The following ANOS1 variants were observed in gnomAD, a reference collection of about 807,000 sequenced individuals.
ANOS1 encodes anosmin 1, also known as anosmin-1.
Under a neutral mutation model 59.0 loss-of-function variants are expected in ANOS1, and 6 were observed. That is an observed-to-expected ratio of 0.10 (90% CI 0.06 to 0.20). The LOEUF (loss-of-function observed/expected upper bound fraction) is 0.20. Ranked by LOEUF, ANOS1 falls within the 10% of genes least tolerant of loss-of-function variation. ANOS1 has a pLI of 1.00. For missense variants in ANOS1, 433 were observed against 542.3 expected (o/e 0.80, Z 2.00); for synonymous variants, 217 against 223.4 (o/e 0.97, Z 0.25).
chrX:8,686,077 C>T lies in ANOS1; in HGVS notation c.255+13621G>A, dbSNP rs764631361. Among the ~76,000 whole-genome samples, 477 of 111,963 alleles carry T rather than the reference C, an allele frequency of 4.3e-3. 2 individuals are homozygous for T. Among genetic ancestry groups the T allele is most frequent in the African/African-American group, 0.015 (455 of 30,824 alleles). Reference sequence around the variant, plus strand: ...TTAAATTTTTCTTGCTCAGTTACAGCCATTACCTAATTTACAAGAGGCTCC... The same window carrying T: ...TTAAATTTTTCTTGCTCAGTTACAGTCATTACCTAATTTACAAGAGGCTCC... On this transcript the variant is annotated intron_variant, in intron 2 of 13. Coordinates refer to ENST00000262648, the MANE Select transcript of ANOS1 (RefSeq NM_000216.4).
chrX:8,680,917 T>C (rs1341940256), intron 2 of ANOS1, among the ~76,000 whole-genome samples: 4 of 111,829 alleles, frequency 3.6e-5, no homozygotes, highest in Non-Finnish European at 7.5e-5. Context: ...GACATAAATT[T>C]CCCCTTTGTA....
At chrX:8,707,005 C>T (rs1449865686) in intron 1 of ANOS1, among the ~76,000 whole-genome samples, 2 of 111,671 alleles carry the variant, frequency 1.8e-5, no homozygotes, top group African/African-American at 6.5e-5. Flanking sequence ...GACCCCCACG[C>T]CCTGACTTCC....
intron 8 of ANOS1, among the ~76,000 whole-genome samples, chrX:8,560,314 T>C (rs952666016): frequency 2.7e-5 from 3 of 111,255 alleles, no homozygotes; most frequent in Non-Finnish European, 5.7e-5. Context: ...GGGTGGTGAA[T>C]TTTGACACTA....
chrX:8,666,951 C>A (rs1209994331), intron 2 of ANOS1, among the ~76,000 whole-genome samples: 1 of 112,036 alleles, frequency 8.9e-6, no homozygotes, highest in Admixed American at 9.5e-5. Flanking sequence ...CACCAAGTAT[C>A]AGCAGTAGGA....
chrX:8,604,332 G>A (rs924261658), intron 3 of ANOS1, among the ~76,000 whole-genome samples: 3 of 111,515 alleles, frequency 2.7e-5, no homozygotes, highest in Non-Finnish European at 5.6e-5. Context: ...CCTGGAAACT[G>A]CACTTTGGAA....
At chrX:8,588,584 C>G (rs899699531) in intron 4 of ANOS1, among the ~76,000 whole-genome samples, 2 of 111,954 alleles carry the variant, frequency 1.8e-5, no homozygotes, top group Non-Finnish European at 3.8e-5. Flanking sequence ...CAAGCATTCC[C>G]CTATATATAG....
chrX:8,540,183 G>A (rs1391640039), intron 9 of ANOS1, among the ~76,000 whole-genome samples: 4 of 111,350 alleles, frequency 3.6e-5, no homozygotes. Flanking sequence ...ATCATCAGAA[G>A]TTTCTCAATC....
chrX:8,710,526 A>G (rs930447700), intron 1 of ANOS1, among the ~76,000 whole-genome samples: 6 of 112,169 alleles, frequency 5.3e-5, no homozygotes, highest in African/African-American at 1.6e-4. Context: ...ATACCATATC[A>G]TTACAACTCA....
In ANOS1 at chrX:8,550,343, A is replaced by C. The variant is rs1414855292; in HGVS notation, c.1354+3609T>G. On this transcript the variant is annotated intron_variant, in intron 9 of 13. Coordinates refer to ENST00000262648, the MANE Select transcript of ANOS1 (RefSeq NM_000216.4). Reference sequence around the variant, plus strand: ...TATTATAAAACATTGTTGAGACAAAAATTTTAAACCTGAATACAGTGGCAT... The same window carrying C: ...TATTATAAAACATTGTTGAGACAAACATTTTAAACCTGAATACAGTGGCAT... Among the ~76,000 whole-genome samples, 3 of 111,923 alleles carry C rather than the reference A, an allele frequency of 2.7e-5. No individual in the cohort carries two copies. The Admixed American group carries it at 2.9e-4, about 11-fold the overall frequency.
intron 9 of ANOS1, among the ~76,000 whole-genome samples, chrX:8,547,683 A>AG (rs201732360): frequency 0.042 from 4,652 of 112,006 alleles, 240 homozygotes; most frequent in African/African-American, 0.15. Flanking sequence ...GAAGACAAAA[A>AG]GTGAATGGAA....
At chrX:8,712,550 C>G (rs1932818574) in intron 1 of ANOS1, among the ~76,000 whole-genome samples, 1 of 112,150 alleles carries the variant, frequency 8.9e-6, no homozygotes, top group African/African-American at 3.2e-5. Flanking sequence ...TTAATATGTT[C>G]ACGTATTATT....
intron 9 of ANOS1, among the ~76,000 whole-genome samples, chrX:8,547,255 C>T (rs1306544122): frequency 9.0e-6 from 1 of 111,623 alleles, no homozygotes; most frequent in African/African-American, 3.3e-5. Flanking sequence ...ATATAAGCTT[C>T]TCCATCACTT....
At chrX:8,570,828 G>A (rs1477630813) in intron 6 of ANOS1, 124 bp from the exon 7 acceptor site, 15 of 646,069 alleles carry the variant, frequency 2.3e-5, no homozygotes, top group Non-Finnish European at 3.7e-5. Flanking sequence ...GAAAACGGGG[G>A]TGGAGGGGCA....
intron 2 of ANOS1, among the ~76,000 whole-genome samples, chrX:8,634,468 T>C (rs901791697): frequency 6.3e-5 from 7 of 111,911 alleles, no homozygotes; most frequent in Admixed American, 3.8e-4. Context: ...CTCTTGTTTT[T>C]GTAAATAAAG....
intron 3 of ANOS1, among the ~76,000 whole-genome samples, chrX:8,623,327 G>A (rs1448558223): frequency 9.0e-6 from 1 of 111,418 alleles, no homozygotes; most frequent in Non-Finnish European, 1.9e-5. Flanking sequence ...ATGTAAGGTG[G>A]GAGGGTGGTG....
chrX:8,700,787 T>C (rs1391509516), intron 1 of ANOS1, among the ~76,000 whole-genome samples: 2 of 111,683 alleles, frequency 1.8e-5, no homozygotes, highest in African/African-American at 6.5e-5. Context: ...GACGGGTGGA[T>C]CGCCTGAGGT....
intron 3 of ANOS1, among the ~76,000 whole-genome samples, chrX:8,612,475 G>C (rs1357575952): frequency 9.5e-6 from 1 of 104,827 alleles, no homozygotes; most frequent in Non-Finnish European, 2.0e-5. Context: ...TTAAGCAAAA[G>C]TAAGGAAATA....
chrX:8,611,784 T>C (rs1356860546), intron 3 of ANOS1, among the ~76,000 whole-genome samples: 3 of 111,492 alleles, frequency 2.7e-5, no homozygotes, highest in African/African-American at 6.5e-5. Context: ...ACCACAGGTA[T>C]ACAAAAGGTG....
chrX:8,711,583 T>C (rs1932812779), intron 1 of ANOS1, among the ~76,000 whole-genome samples: 1 of 112,614 alleles, frequency 8.9e-6, no homozygotes, highest in Admixed American at 9.4e-5. Flanking sequence ...GTCAAGGCTG[T>C]AGTCTAGCTG....
Sources: allele counts gnomAD v4.1 joint callset (sites outside exome capture counted in the v4.1 genomes callset), GRCh38; gene constraint gnomAD v4.1.1; transcripts MANE v1.5; gene names NCBI Gene and HGNC (gene_info 2026-07-23, HGNC 2026-07-21).